Variants in IRAK1BP1 observed in about 807,000 individuals in gnomAD.
IRAK1BP1 encodes interleukin-1 receptor-associated kinase 1-binding protein 1.
A neutral mutation model predicts 28.0 loss-of-function variants in IRAK1BP1; 24 were observed. That is an observed-to-expected ratio of 0.86 (90% CI 0.62 to 1.20). The LOEUF (loss-of-function observed/expected upper bound fraction) is 1.20, where lower values mean the gene tolerates loss of function less well. IRAK1BP1 is among the 50% of genes most tolerant of loss of function. The pLI is 0.00. For missense variants in IRAK1BP1, 336 were observed against 316.7 expected, an observed-to-expected ratio of 1.06 and a Z score of -0.46; for synonymous variants, 131 against 116.3, an observed-to-expected ratio of 1.13 and a Z score of -0.81.
At chr6:78,946,701 A>G (rs377707990), downstream of IRAK1BP1, 9 of 1,535,368 alleles carry the variant, frequency 5.9e-6, no homozygotes, top group Non-Finnish European at 7.8e-6. Context: ...ATTTAAAAGA[A>G]ATTAAATACC....
At chr6:78,932,421 C>CTTTTTTTTTT (rs386407659) in intron 4 of IRAK1BP1, among the ~76,000 whole-genome samples, 8 of 123,698 alleles carry the variant, frequency 6.5e-5, no homozygotes, top group Non-Finnish European at 8.2e-5. Flanking sequence ...CTTTCTTTTT[C>CTTTTTTTTTT]TTTTTTTTTT....
the IRAK1BP1 span, among the ~76,000 whole-genome samples, chr6:78,954,586 T>C: frequency 6.6e-6 from 1 of 152,040 alleles, no homozygotes; most frequent in African/African-American, 2.4e-5. Flanking sequence ...GCACAACTAG[T>C]AGGAACAGAA....
At chr6:78,891,857 C>T (rs1030382687) in intron 2 of IRAK1BP1, among the ~76,000 whole-genome samples, 1 of 152,108 alleles carries the variant, frequency 6.6e-6, no homozygotes, top group Admixed American at 6.5e-5. Context: ...GTTTTCTCCC[C>T]CTTCTTTCCC....
At chr6:78,909,149 G>A (rs764264647) in intron 4 of IRAK1BP1, among the ~76,000 whole-genome samples, 2 of 152,168 alleles carry the variant, frequency 1.3e-5, no homozygotes, top group Non-Finnish European at 1.5e-5. Context: ...CCTAACTTAC[G>A]ATAGTTCAAT....
chr6:78,933,008 T>C (rs995072665), intron 4 of IRAK1BP1, among the ~76,000 whole-genome samples: 2 of 152,140 alleles, frequency 1.3e-5, no homozygotes, highest in African/African-American at 4.8e-5. Flanking sequence ...TGTTGTTCCA[T>C]TGACAGAGCA....
rs1770645185 is a variant in IRAK1BP1, at chr6:78,867,952, C to T, written c.315+61C>T. The T allele has an allele frequency of 1.2e-5, 17 of 1,466,890 alleles. 1 individual carries two copies. The South Asian group carries it at 2.4e-4, about 21-fold the overall frequency. The allele number at this position is 1,466,890 out of a possible 1,614,324, so 90.9% of individuals were successfully genotyped here. On this transcript the variant is annotated intron_variant, in intron 1 of 3. Coordinates refer to ENST00000369940, the MANE Select transcript of IRAK1BP1 (RefSeq NM_001010844.4). ...AGACACAAAAGGGTTGGCAGATGGTCGGGCCCCACAGGCCCCCCTAGCGGG... is the reference window on the plus strand; with the variant it reads ...AGACACAAAAGGGTTGGCAGATGGTTGGGCCCCACAGGCCCCCCTAGCGGG...
chr6:78,929,947 C>G (rs144498175), intron 4 of IRAK1BP1, among the ~76,000 whole-genome samples: 211 of 151,714 alleles, frequency 1.4e-3, no homozygotes, highest in African/African-American at 5.0e-3. Context: ...TTTTTGTTTT[C>G]GTTTTTTGAG....
intron 4 of IRAK1BP1, chr6:78,941,229 T>C (rs762027710): frequency 1.2e-6 from 2 of 1,613,962 alleles, no homozygotes; most frequent in South Asian, 1.1e-5. Flanking sequence ...ACTTCTACTT[T>C]AGGTTTCCTT....
At chr6:78,875,647 C>T (rs1412537211) in intron 1 of IRAK1BP1, among the ~76,000 whole-genome samples, 4 of 152,084 alleles carry the variant, frequency 2.6e-5, no homozygotes, top group South Asian at 4.2e-4. Context: ...CATATTCTCA[C>T]TTATAAGTGA....
chr6:78,885,223 A>T (rs1290115939), intron 1 of IRAK1BP1, among the ~76,000 whole-genome samples, 155 bp from the exon 2 acceptor site: 1 of 152,112 alleles, frequency 6.6e-6, no homozygotes, highest in Admixed American at 6.5e-5. Context: ...AATTCATTTT[A>T]TGTCACTTTT....
At chr6:78,925,878 T>C (rs1313500440) in intron 4 of IRAK1BP1, among the ~76,000 whole-genome samples, 1 of 152,158 alleles carries the variant, frequency 6.6e-6, no homozygotes, top group African/African-American at 2.4e-5. Context: ...AACAAAATTA[T>C]GTCCTTTGCA....
chr6:78,877,456 A>G (rs9350792), intron 1 of IRAK1BP1, among the ~76,000 whole-genome samples: 50,399 of 152,104 alleles, frequency 0.33, 9,878 homozygotes, highest in East Asian at 0.69. Context: ...GTCTTCTTAT[A>G]TGGGTTGTTT....
At chr6:78,894,317 T>G (rs1003999077) in intron 2 of IRAK1BP1, among the ~76,000 whole-genome samples, 2 of 152,188 alleles carry the variant, frequency 1.3e-5, no homozygotes, top group African/African-American at 2.4e-5. Flanking sequence ...TTAACTCCAC[T>G]TACATGCTGC....
chr6:78,867,644 G>A lies in IRAK1BP1; in HGVS notation c.68G>A (p.Arg23Gln), dbSNP rs147598400. Residue 23 changes from arginine (R) to glutamine (Q), a missense_variant, in exon 1 of 4, where the codon CGG becomes CAG. Coordinates refer to ENST00000369940, the MANE Select transcript of IRAK1BP1 (RefSeq NM_001010844.4). The stretch of plus-strand genomic sequence containing the variant: ...CTGGTTCCCTGGGCTGACCGGAGCC[G>A]GGAGAACAACCTGGCCTCAGGGAGA... ...VELVPWADRS[R>Q]ENNLASGRET... 8.4e-5 allele frequency: 136 copies of A among 1,614,218 alleles called. No homozygotes were observed. The African/African-American group carries it at 9.7e-4, about 12-fold the overall frequency.
chr6:78,970,962 T>C, the IRAK1BP1 span: 31 of 978,462 alleles, frequency 3.2e-5, no homozygotes, highest in Admixed American at 3.5e-4. Flanking sequence ...TCAGCTGAAA[T>C]TGCAAAGAGA....
At chr6:78,940,161 G>T (rs930830618) in intron 4 of IRAK1BP1, 1 of 151,978 alleles carries the variant, frequency 6.6e-6, no homozygotes, top group Non-Finnish European at 1.5e-5. Context: ...ACTGTTTAGG[G>T]TATCAAATGG....
the IRAK1BP1 span, among the ~76,000 whole-genome samples, chr6:78,964,935 A>G: frequency 9.8e-5 from 15 of 152,324 alleles, no homozygotes; most frequent in Admixed American, 7.8e-4. Flanking sequence ...GCAATTGTGC[A>G]TGTGTGTTGT....
At position 78,873,343 on chromosome 6, in the gene IRAK1BP1, CTTAGT is replaced by C. The variant is rs534855029; in HGVS notation, c.315+5456_315+5460del. Among the ~76,000 whole-genome samples, 17 of 142,932 alleles carry C rather than the reference CTTAGT, an allele frequency of 1.2e-4. No homozygotes were observed. The South Asian group carries it at 3.5e-3, about 30-fold the overall frequency. 93.8% of individuals were successfully genotyped at this position (142,932 alleles called of 152,430 possible). A position where few individuals can be genotyped will look rare whatever the true frequency, so the allele number is the denominator to read the frequency against. On this transcript the variant is annotated intron_variant, in intron 1 of 3. Transcript: ENST00000369940. ...TCTCAGTTTTTTATTTGCTGTATAA[CTTAGT>C]TTATAGTATTGAACTTTCAAAATCT...
intron 2 of IRAK1BP1, among the ~76,000 whole-genome samples, chr6:78,893,938 A>G (rs1414842750): frequency 3.3e-5 from 5 of 152,184 alleles, no homozygotes; most frequent in Non-Finnish European, 7.3e-5. Flanking sequence ...AATGATAATG[A>G]TGAACTACAG....
Sources: allele counts gnomAD v4.1 joint callset (sites outside exome capture counted in the v4.1 genomes callset), GRCh38; gene constraint gnomAD v4.1.1; transcripts MANE v1.5; gene names NCBI Gene and HGNC (gene_info 2026-07-23, HGNC 2026-07-21).